The following ERBB4 variants were observed in gnomAD, a reference collection of about 807,000 sequenced individuals.
ERBB4 encodes the protein receptor tyrosine-protein kinase erbB-4.
Under a neutral mutation model 158.0 loss-of-function variants are expected in ERBB4, and 42 were observed. The ratio of observed to expected loss-of-function variants is 0.27; its 90% CI spans 0.21 to 0.34. The LOEUF is 0.34. Among genes scored for constraint, ERBB4 ranks in the 10% least tolerant of loss-of-function variants. The probability of loss-of-function intolerance (pLI) is 1.00; values close to 1 mark genes in which losing one functional copy is unlikely to be tolerated. For synonymous variants in ERBB4, 583 were observed against 558.7 expected (o/e 1.04, Z -0.61); for missense variants, 1,333 against 1,624.1 (o/e 0.82, Z 3.08).
intron 2 of ERBB4, among the ~76,000 whole-genome samples, chr2:212,069,057 A>G (rs924763397): frequency 6.6e-6 from 1 of 152,090 alleles, no homozygotes; most frequent in African/African-American, 2.4e-5. Flanking sequence ...AGGCCTCCCC[A>G]GCCAGGTGAA....
At chr2:212,133,563 G>T (rs746262877) in intron 1 of ERBB4, among the ~76,000 whole-genome samples, 14 of 150,590 alleles carry the variant, frequency 9.3e-5, no homozygotes, top group South Asian at 4.2e-4. Flanking sequence ...CAGATGTTCA[G>T]TAAACATCAG....
At chr2:212,252,501 TA>T (rs1208014308) in intron 1 of ERBB4, among the ~76,000 whole-genome samples, 1 of 152,122 alleles carries the variant, frequency 6.6e-6, no homozygotes, top group East Asian at 1.9e-4. Context: ...GTCATTTTAG[TA>T]AAATGGTAAG....
chr2:211,845,966 T>TA (rs1385665519), intron 3 of ERBB4, among the ~76,000 whole-genome samples: 1 of 152,018 alleles, frequency 6.6e-6, no homozygotes, highest in Admixed American at 6.6e-5. Context: ...CAATTACACT[T>TA]AAGAAACGAA....
At chr2:212,200,104 A>G (rs1323083217) in intron 1 of ERBB4, among the ~76,000 whole-genome samples, 1 of 152,204 alleles carries the variant, frequency 6.6e-6, no homozygotes, top group Non-Finnish European at 1.5e-5. Context: ...ATAGGACATT[A>G]ATTTCATCTC....
chr2:211,568,088 A>C (rs2067604949), intron 19 of ERBB4, among the ~76,000 whole-genome samples: 1 of 151,516 alleles, frequency 6.6e-6, no homozygotes, highest in East Asian at 1.9e-4. Flanking sequence ...GACATTATCT[A>C]TTTTTCCAGA....
At chr2:211,514,872 A>T (rs926845962) in intron 20 of ERBB4, among the ~76,000 whole-genome samples, 2 of 152,156 alleles carry the variant, frequency 1.3e-5, no homozygotes, top group African/African-American at 4.8e-5. Flanking sequence ...GGTGCTCAAA[A>T]AGTTTCAAGT....
chr2:211,530,676 C>T lies in ERBB4; in HGVS notation c.2487+31227G>A, dbSNP rs189642519. Among the ~76,000 whole-genome samples the T allele has an allele frequency of 1.6e-3, 236 of 152,100 alleles. 2 individuals carry two copies. Among genetic ancestry groups the T allele is most frequent in the Non-Finnish European group, 2.9e-3 (194 of 67,980 alleles). ...GCTGAGGTGGGAGGATTGCTTGAGTCCAGGAGTTTGAGACCAGCTTAGGCA... is the reference window on the plus strand; with the variant it reads ...GCTGAGGTGGGAGGATTGCTTGAGTTCAGGAGTTTGAGACCAGCTTAGGCA... On this transcript the variant is annotated intron_variant, in intron 20 of 27. Transcript: ENST00000342788.
chr2:211,509,630 G>C (rs2065840002), intron 20 of ERBB4, among the ~76,000 whole-genome samples: 1 of 151,974 alleles, frequency 6.6e-6, no homozygotes, highest in Non-Finnish European at 1.5e-5. Flanking sequence ...CTTCTGCACA[G>C]CAAAAGAAAC....
intron 1 of ERBB4, among the ~76,000 whole-genome samples, chr2:212,392,966 C>T (rs2090921708): frequency 6.6e-6 from 1 of 152,020 alleles, no homozygotes; most frequent in African/African-American, 2.4e-5. Context: ...TATTTTCATG[C>T]TTTAAGGTCT....
At chr2:211,914,707 A>T (rs1012995983) in intron 3 of ERBB4, among the ~76,000 whole-genome samples, 1 of 152,156 alleles carries the variant, frequency 6.6e-6, no homozygotes, top group African/African-American at 2.4e-5. Context: ...ACATAAATAT[A>T]CTTTAAGAGT....
chr2:212,218,815 T>G (rs2083190494), intron 1 of ERBB4, among the ~76,000 whole-genome samples: 1 of 151,408 alleles, frequency 6.6e-6, no homozygotes, highest in Non-Finnish European at 1.5e-5. Context: ...TCATGTATGT[T>G]TCTTAATTTA....
At chr2:211,652,461 A>G (rs775751738) in intron 16 of ERBB4, among the ~76,000 whole-genome samples, 1 of 152,136 alleles carries the variant, frequency 6.6e-6, no homozygotes, top group Non-Finnish European at 1.5e-5. Flanking sequence ...TTTGGACATG[A>G]GTTATGAACT....
intron 3 of ERBB4, among the ~76,000 whole-genome samples, chr2:211,857,432 G>A (rs1381626819): frequency 6.6e-6 from 1 of 152,076 alleles, no homozygotes; most frequent in African/African-American, 2.4e-5. Context: ...CAGCAAACTG[G>A]AAGAGCAACT....
In ERBB4 at chr2:211,833,939, C is replaced by T. The variant is rs919338788; in HGVS notation, c.422-45780G>A. On this transcript the variant is annotated intron_variant, in intron 3 of 27. Coordinates refer to ENST00000342788, the MANE Select transcript of ERBB4 (RefSeq NM_005235.3). Reference sequence around the variant, plus strand: ...CTGAAGCATGGTATGTGACTGTACCCCAGTTCACTGGATGCCACCCCTAGG... The same window carrying T: ...CTGAAGCATGGTATGTGACTGTACCTCAGTTCACTGGATGCCACCCCTAGG... 2.6e-5 allele frequency among the ~76,000 whole-genome samples: 4 copies of T among 152,082 alleles called. No homozygotes were observed. In the South Asian group the frequency reaches 6.2e-4, roughly 24 times the overall value.
chr2:212,111,030 G>A (rs1360510525), intron 2 of ERBB4, among the ~76,000 whole-genome samples: 2 of 152,120 alleles, frequency 1.3e-5, no homozygotes, highest in Non-Finnish European at 2.9e-5. Flanking sequence ...CATTTCCAAT[G>A]AGGGGCTCTT....
At chr2:211,733,822 C>CT (rs1233149647) in intron 5 of ERBB4, among the ~76,000 whole-genome samples, 2 of 151,342 alleles carry the variant, frequency 1.3e-5, no homozygotes, top group Non-Finnish European at 2.9e-5. Context: ...TGGCTCACAC[C>CT]TATACACCTA....
intron 1 of ERBB4, among the ~76,000 whole-genome samples, chr2:212,168,954 G>A (rs1447130377): frequency 6.6e-6 from 1 of 152,126 alleles, no homozygotes; most frequent in Non-Finnish European, 1.5e-5. Flanking sequence ...ACCATCATAT[G>A]TGACAAAATA....
intron 1 of ERBB4, among the ~76,000 whole-genome samples, chr2:212,244,658 T>C (rs1257684883): frequency 6.6e-6 from 1 of 152,130 alleles, no homozygotes; most frequent in African/African-American, 2.4e-5. Context: ...CTTTATCATT[T>C]CCCTCATGAT....
chr2:211,891,113 GCAC>G (rs2078953920), intron 3 of ERBB4, among the ~76,000 whole-genome samples: 1 of 2,730 alleles, frequency 3.7e-4, no homozygotes, highest in African/African-American at 1.6e-3. Context: ...ATTTTTTTCA[GCAC>G]CACACCACAC....
Sources: gnomAD v4.1 joint callset for allele counts (sites outside exome capture counted in the v4.1 genomes callset) on GRCh38, gnomAD v4.1.1 for gene constraint, MANE v1.5 for transcripts, NCBI Gene and HGNC (gene_info 2026-07-23, HGNC 2026-07-21) for gene names.